The following PLEKHA6 variants were observed in gnomAD, a reference collection of about 807,000 sequenced individuals.
PLEKHA6 encodes pleckstrin homology domain containing A6.
Under a neutral mutation model 116.7 loss-of-function variants are expected in PLEKHA6, and 60 were observed. The observed-to-expected ratio is 0.51, with a 90% CI of 0.42 to 0.64. The LOEUF is 0.64. Ranked by LOEUF, PLEKHA6 falls within the 30% of genes least tolerant of loss-of-function variation. The probability of loss-of-function intolerance (pLI) is 0.00; values close to 1 mark genes in which losing one functional copy is unlikely to be tolerated. For synonymous variants in PLEKHA6, 489 were observed against 556.1 expected (o/e 0.88, Z 1.70); for missense variants, 1,338 against 1,422.7 (o/e 0.94, Z 0.96).
At position 204,295,404 on chromosome 1, in the gene PLEKHA6, C is replaced by T. The variant is rs144144089; in HGVS notation, c.-94-20595G>A. Among the ~76,000 whole-genome samples the T allele has an allele frequency of 8.8e-3, 1,335 of 151,380 alleles. 21 individuals are homozygous for T. The highest frequency in any genetic ancestry group is 0.031 in the African/African-American group (1,274 of 41,210). ...ACTCGGGAGGCTGAGGCAAGAGGATCGCTTGAATCCGGGAGGCGGAGGTTG... is the reference window on the plus strand; with the variant it reads ...ACTCGGGAGGCTGAGGCAAGAGGATTGCTTGAATCCGGGAGGCGGAGGTTG... On this transcript the variant is annotated intron_variant, in intron 1 of 22. Coordinates refer to ENST00000272203, the MANE Select transcript of PLEKHA6 (RefSeq NM_014935.5).
intron 1 of PLEKHA6, among the ~76,000 whole-genome samples, chr1:204,295,489 C>CAAA (rs11422057): frequency 1.4e-4 from 17 of 122,196 alleles, no homozygotes; most frequent in Admixed American, 4.1e-4. Flanking sequence ...GATGCCATCT[C>CAAA]AAAAAAAAAA....
intron 1 of PLEKHA6, among the ~76,000 whole-genome samples, chr1:204,358,045 C>G (rs1375441171): frequency 6.6e-6 from 1 of 152,176 alleles, no homozygotes; most frequent in Non-Finnish European, 1.5e-5. Flanking sequence ...GGAAAAGAAG[C>G]CTAGCCCAGC....
At chr1:204,254,477 C>T (rs960411518) in intron 9 of PLEKHA6, among the ~76,000 whole-genome samples, 1 of 152,114 alleles carries the variant, frequency 6.6e-6, no homozygotes, top group Admixed American at 6.5e-5. Context: ...AGAGCATGAA[C>T]TCATCCTAAT....
In PLEKHA6 at chr1:204,259,273, G is replaced by C; in HGVS notation, c.992C>G (p.Pro331Arg). 1 of 1,613,800 alleles carries C rather than the reference G, an allele frequency of 6.2e-7. No homozygotes were observed. Among genetic ancestry groups the C allele is most frequent in the South Asian group, 1.1e-5 (1 of 91,078 alleles). ...WVNLRRGVPP[P>R]EDLRSPSRFY... ...CATGCCTCACCTCCGAAGGTCTTCA[G>C]GCGGGGGTACCCCCCGGCGCAGATT... The change falls in exon 8 of 23, where the codon CCT (proline) becomes CGT (arginine). Residue 331 changes from proline to arginine, a missense_variant. Transcript: ENST00000272203. The surrounding 1 kb of genome is among the most constrained non-coding windows in gnomAD (Gnocchi z 4.6).
chr1:204,261,428 G>A lies in PLEKHA6; in HGVS notation c.402C>T (p.Arg134=). The A allele has an allele frequency of 6.2e-7, 1 of 1,612,244 alleles. No individual in the cohort carries two copies. Among genetic ancestry groups the A allele is most frequent in the Non-Finnish European group, 8.5e-7 (1 of 1,178,852 alleles). The change falls in exon 7 of 23, where the codon CGC becomes CGT. Residue 134 remains arginine, a synonymous_variant. Transcript: ENST00000272203. This position sits in a 1 kb window ranked among gnomAD's most constrained non-coding sequence, Gnocchi z 4.0. ...GGCTCTCGGCACTGAAGAAGTAGGT[G>A]CGGACCCCGGCATGCTCAGCCTGTG... is the stretch of plus-strand genomic sequence containing the variant. ...HTFKAEHAGV[R]TYFFSAESPE...
intron 1 of PLEKHA6, among the ~76,000 whole-genome samples, chr1:204,312,014 T>C (rs1314300184): frequency 6.6e-6 from 1 of 152,212 alleles, no homozygotes; most frequent in Non-Finnish European, 1.5e-5. Flanking sequence ...GCTTTATACA[T>C]ATTTTCTCAT....
chr1:204,296,840 C>T (rs1409179946), intron 1 of PLEKHA6, among the ~76,000 whole-genome samples: 1 of 152,214 alleles, frequency 6.6e-6, no homozygotes, highest in African/African-American at 2.4e-5. Flanking sequence ...CTGTTCCCCT[C>T]CTTCTCCTTC....
chr1:204,234,323 G>T (rs981548374), intron 17 of PLEKHA6, among the ~76,000 whole-genome samples: 1 of 152,146 alleles, frequency 6.6e-6, no homozygotes, highest in African/African-American at 2.4e-5. Flanking sequence ...GTCTCCAAAG[G>T]AACCAACCCT....
At chr1:204,281,866 T>C (rs749465293) in intron 1 of PLEKHA6, among the ~76,000 whole-genome samples, 1 of 152,118 alleles carries the variant, frequency 6.6e-6, no homozygotes, top group Non-Finnish European at 1.5e-5. Context: ...CTGCTCCCTT[T>C]CCTGCTTCAC....
Position 204,223,239 on chromosome 1 carries a change from A to G in PLEKHA6, c.*8+223T>C, listed in dbSNP as rs909119520. On this transcript the variant is annotated intron_variant, in intron 22 of 22. Coordinates refer to ENST00000272203, the MANE Select transcript of PLEKHA6 (RefSeq NM_014935.5). This position sits in a 1 kb window ranked among gnomAD's most constrained non-coding sequence, Gnocchi z 4.8. Reference sequence around the variant, plus strand: ...AGAAGCAAAGGCCATTGGCATCACAACATCCAAGAAGCGGCCCTGCCAGCT... The same window carrying G: ...AGAAGCAAAGGCCATTGGCATCACAGCATCCAAGAAGCGGCCCTGCCAGCT... Among the ~76,000 whole-genome samples, 1 of 152,064 alleles carries G rather than the reference A, an allele frequency of 6.6e-6. No individual in the cohort carries two copies. Among genetic ancestry groups the G allele is most frequent in the Non-Finnish European group, 1.5e-5 (1 of 67,996 alleles).
chr1:204,363,876 T>C (rs866850889), upstream of PLEKHA6, among the ~76,000 whole-genome samples: 1 of 152,102 alleles, frequency 6.6e-6, no homozygotes, highest in African/African-American at 2.4e-5. Flanking sequence ...GCATACAGGC[T>C]TGCAGTGCGT....
chr1:204,263,336 A>AG (rs1204409197), intron 6 of PLEKHA6, among the ~76,000 whole-genome samples: 1 of 152,152 alleles, frequency 6.6e-6, no homozygotes, highest in Admixed American at 6.5e-5. Context: ...AGAGTTAGGG[A>AG]GAGGTTAAGG....
At chr1:204,300,444 T>C (rs1195273132) in intron 1 of PLEKHA6, among the ~76,000 whole-genome samples, 3 of 152,244 alleles carry the variant, frequency 2.0e-5, no homozygotes, top group Non-Finnish European at 2.9e-5. Context: ...CATTTGTTCT[T>C]GGCTCTCATA....
chr1:204,282,180 C>T (rs1424741214), intron 1 of PLEKHA6, among the ~76,000 whole-genome samples: 1 of 152,102 alleles, frequency 6.6e-6, no homozygotes, highest in Non-Finnish European at 1.5e-5. Flanking sequence ...AGACTGAGGG[C>T]AGGAGGACAA....
rs148143644 is a variant in PLEKHA6, at chr1:204,225,727, G to A, written c.3032-2142C>T. Among the ~76,000 whole-genome samples, 1,038 of 152,192 alleles carry A rather than the reference G, an allele frequency of 6.8e-3. 15 individuals carry two copies. The highest frequency in any genetic ancestry group is 0.024 in the African/African-American group (985 of 41,520). On this transcript the variant is annotated intron_variant, in intron 21 of 22. Transcript: ENST00000272203. ...ATACCACCTGGATTCATAAATAACA[G>A]GTCTCCACACAACATCCTTAGACAT...
intron 6 of PLEKHA6, among the ~76,000 whole-genome samples, chr1:204,263,844 C>T (rs4951056): frequency 0.51 from 77,351 of 151,708 alleles, 19,829 homozygotes; most frequent in Middle Eastern, 0.57. Context: ...GGAGTCAGAG[C>T]TTTATTAATT....
Position 204,220,930 on chromosome 1 carries a change from T to C in PLEKHA6, c.*1858A>G, listed in dbSNP as rs1026350315. On this transcript the variant is annotated 3_prime_UTR_variant, in exon 23 of 23. Coordinates refer to ENST00000272203, the MANE Select transcript of PLEKHA6 (RefSeq NM_014935.5). Reference sequence around the variant, plus strand: ...AAAGAGACGGACAAAGTGGCAGGCATGGAAGGCCCTGAAAAATCTGTTTCC... The same window carrying C: ...AAAGAGACGGACAAAGTGGCAGGCACGGAAGGCCCTGAAAAATCTGTTTCC... 1 of 148,494 alleles carries C rather than the reference T, an allele frequency of 6.7e-6. No homozygotes were observed. The highest frequency in any genetic ancestry group is 1.5e-5 in the Non-Finnish European group (1 of 67,458). The allele number at this position is 148,494 out of a possible 1,614,324, so 9.2% of individuals were successfully genotyped here.
chr1:204,228,708 G>T lies in PLEKHA6; in HGVS notation c.2885+20C>A, dbSNP rs1432169250. ...TGCCAGGGTGAGCAGAGGAAGTAGA[G>T]GCTCACCCAGGCTGGTTACCTGGAT... On this transcript the variant is annotated intron_variant, in intron 20 of 22. Coordinates refer to ENST00000272203, the MANE Select transcript of PLEKHA6 (RefSeq NM_014935.5). This position sits in a 1 kb window ranked among gnomAD's most constrained non-coding sequence, Gnocchi z 4.0. 2 of 1,611,738 alleles carry T rather than the reference G, an allele frequency of 1.2e-6. No individual in the cohort carries two copies. Among genetic ancestry groups the T allele is most frequent in the Non-Finnish European group, 1.7e-6 (2 of 1,177,924 alleles).
intron 1 of PLEKHA6, among the ~76,000 whole-genome samples, chr1:204,287,058 C>G (rs1334167521): frequency 3.3e-5 from 5 of 152,080 alleles, no homozygotes; most frequent in Non-Finnish European, 5.9e-5. Context: ...CAGGGAGCAC[C>G]CTGTTCCCAC....
Sources: gnomAD v4.1 joint callset for allele counts (sites outside exome capture counted in the v4.1 genomes callset) on GRCh38, gnomAD v4.1.1 for gene constraint, Gnocchi (gnomAD v3.1) non-coding constraint, MANE v1.5 for transcripts, NCBI Gene and HGNC (gene_info 2026-07-23, HGNC 2026-07-21) for gene names.